The following ITGA9 variants were observed in gnomAD, a reference collection of about 807,000 sequenced individuals.
ITGA9 encodes the protein integrin subunit alpha 9.
In ITGA9, 56 loss-of-function variants were observed where a neutral mutation model predicts 127.8. The ratio of observed to expected loss-of-function variants is 0.44; its 90% CI spans 0.35 to 0.55. The LOEUF (loss-of-function observed/expected upper bound fraction) is 0.55, where lower values mean the gene tolerates loss of function less well. ITGA9 is among the 20% of genes least tolerant of loss of function. The pLI, the probability that ITGA9 is intolerant of heterozygous loss-of-function variation, is 0.00. For missense variants in ITGA9, 1,196 were observed against 1,347.1 expected, an observed-to-expected ratio of 0.89 and a Z score of 1.76; for synonymous variants, 508 against 514.5, an observed-to-expected ratio of 0.99 and a Z score of 0.17.
intron 15 of ITGA9, among the ~76,000 whole-genome samples, chr3:37,544,574 C>G (rs1699307464): frequency 6.6e-6 from 1 of 152,196 alleles, no homozygotes; most frequent in South Asian, 2.1e-4. Flanking sequence ...CAAAACCTGG[C>G]TGCCAAGAAG....
At chr3:37,677,237 GGT>G (rs1575189110) in intron 17 of ITGA9, among the ~76,000 whole-genome samples, 1 of 152,078 alleles carries the variant, frequency 6.6e-6, no homozygotes, top group East Asian at 1.9e-4. Context: ...CAATTTATTT[GGT>G]ATTTTTTGCT....
At chr3:37,720,682 T>C (rs925419382) in intron 18 of ITGA9, among the ~76,000 whole-genome samples, 1 of 152,250 alleles carries the variant, frequency 6.6e-6, no homozygotes, top group African/African-American at 2.4e-5. Flanking sequence ...CTTTGTACTT[T>C]GGGCTTTCTG....
chr3:37,741,889 T>G, intron 21 of ITGA9, 70 bp downstream of exon 21: 1 of 1,257,950 alleles, frequency 7.9e-7, no homozygotes, highest in Non-Finnish European at 1.1e-6. Flanking sequence ...CTTCTCATAT[T>G]TGCATGTGTA....
chr3:37,790,628 T>G, intron 26 of ITGA9: 1 of 218,252 alleles, frequency 4.6e-6, no homozygotes, highest in Non-Finnish European at 9.1e-6. Context: ...CATAGATTCT[T>G]GAGGCTTTGC....
chr3:37,804,030 T>C, intron 27 of ITGA9, 88 bp downstream of exon 27: 1 of 1,590,122 alleles, frequency 6.3e-7, no homozygotes, highest in Non-Finnish European at 8.6e-7. Flanking sequence ...GAGTATCCTG[T>C]TAGAGCTTCC....
intron 3 of ITGA9, among the ~76,000 whole-genome samples, chr3:37,480,754 C>T (rs1322601353): frequency 6.6e-6 from 1 of 152,170 alleles, no homozygotes; most frequent in African/African-American, 2.4e-5. Context: ...GGTTCAGTCC[C>T]TTGGGCCTGT....
chr3:37,555,359 G>C (rs940123869), intron 15 of ITGA9, among the ~76,000 whole-genome samples: 3 of 120,904 alleles, frequency 2.5e-5, no homozygotes, highest in African/African-American at 7.5e-5. Context: ...TATCAGCACT[G>C]TCCAATATGG....
intron 24 of ITGA9, among the ~76,000 whole-genome samples, chr3:37,778,957 T>G (rs1696941952): frequency 6.6e-6 from 1 of 150,848 alleles, no homozygotes; most frequent in African/African-American, 2.4e-5. Context: ...TAGTGATACC[T>G]AGTGATTTTA....
chr3:37,486,829 T>C (rs1698614442), intron 4 of ITGA9, among the ~76,000 whole-genome samples: 1 of 152,244 alleles, frequency 6.6e-6, no homozygotes, highest in South Asian at 2.1e-4. Flanking sequence ...TACTGTGCTT[T>C]AAAATTGTGA....
chr3:37,735,797 G>A (rs1696353550), intron 19 of ITGA9, among the ~76,000 whole-genome samples: 1 of 152,160 alleles, frequency 6.6e-6, no homozygotes, highest in Admixed American at 6.5e-5. Flanking sequence ...AATTTTAGAT[G>A]GTTCATGAAA....
At chr3:37,499,944 C>T (rs1488883428) in intron 5 of ITGA9, among the ~76,000 whole-genome samples, 1 of 152,164 alleles carries the variant, frequency 6.6e-6, no homozygotes, top group Non-Finnish European at 1.5e-5. Context: ...CATCCCTGCC[C>T]CCAATGTTCC....
chr3:37,507,391 A>G (rs1475828257), intron 7 of ITGA9, among the ~76,000 whole-genome samples: 1 of 152,128 alleles, frequency 6.6e-6, no homozygotes, highest in Non-Finnish European at 1.5e-5. Context: ...TATGCTAATG[A>G]TAGCAGCTTT....
At chr3:37,499,311 G>T (rs1336779387) in intron 5 of ITGA9, among the ~76,000 whole-genome samples, 1 of 152,192 alleles carries the variant, frequency 6.6e-6, no homozygotes, top group Non-Finnish European at 1.5e-5. Flanking sequence ...TGTAGATCCC[G>T]GGCACTCCTG....
chr3:37,767,218 T>C (rs1696790124), intron 23 of ITGA9, among the ~76,000 whole-genome samples: 1 of 152,214 alleles, frequency 6.6e-6, no homozygotes, highest in Non-Finnish European at 1.5e-5. Flanking sequence ...GGCAGCCTCA[T>C]ACAGAGGCTG....
In ITGA9 at chr3:37,653,807, T is replaced by C; in HGVS notation, c.1916+17T>C. 1.9e-6 allele frequency: 3 copies of C among 1,595,512 alleles called. No individual in the cohort carries two copies. Among genetic ancestry groups the C allele is most frequent in the Non-Finnish European group, 2.6e-6 (3 of 1,163,138 alleles). On this transcript the variant is annotated intron_variant, in intron 17 of 27. Transcript: ENST00000264741. ...GCTCTCCAGGTATGTCGGTGTTTCC[T>C]TCAGAGCATTGTTCTCAGGCTCCTT...
chr3:37,790,647 C>A, intron 26 of ITGA9: 1 of 211,728 alleles, frequency 4.7e-6, no homozygotes, highest in Non-Finnish European at 9.4e-6. Context: ...GCCTGGTTCA[C>A]TAATGACAGG....
intron 3 of ITGA9, among the ~76,000 whole-genome samples, chr3:37,477,138 T>C (rs1337991485): frequency 6.6e-6 from 1 of 152,176 alleles, no homozygotes; most frequent in Non-Finnish European, 1.5e-5. Flanking sequence ...TGTCAGAGCT[T>C]TCTGGGAGGC....
chr3:37,708,204 G>A (rs1398655094), intron 18 of ITGA9, among the ~76,000 whole-genome samples: 1 of 152,210 alleles, frequency 6.6e-6, no homozygotes, highest in African/African-American at 2.4e-5. Flanking sequence ...CTGGAACAAG[G>A]GGAGTGATTT....
At chr3:37,541,861 A>G (rs549236301) in intron 14 of ITGA9, among the ~76,000 whole-genome samples, 1 of 152,314 alleles carries the variant, frequency 6.6e-6, no homozygotes, top group African/African-American at 2.4e-5. Flanking sequence ...TGCCTGGCCT[A>G]TAGTTAGTGC....
Sources: gnomAD v4.1 joint callset for allele counts (sites outside exome capture counted in the v4.1 genomes callset) on GRCh38, gnomAD v4.1.1 for gene constraint, MANE v1.5 for transcripts, NCBI Gene and HGNC (gene_info 2026-07-23, HGNC 2026-07-21) for gene names.